SMPD3: variants seen among roughly 807,000 people sequenced by gnomAD.
SMPD3 encodes the protein nSMase-2.
A neutral mutation model predicts 55.7 loss-of-function variants in SMPD3; 21 were observed. The observed-to-expected ratio is 0.38, with a 90% CI of 0.27 to 0.54. The LOEUF is 0.54. Ranked by LOEUF, SMPD3 falls within the 20% of genes least tolerant of loss-of-function variation. The pLI is 0.80. For synonymous variants in SMPD3, 457 were observed against 404.3 expected, an observed-to-expected ratio of 1.13 and a Z score of -1.56; for missense variants, 842 against 899.6, an observed-to-expected ratio of 0.94 and a Z score of 0.82.
intron 1 of SMPD3, among the ~76,000 whole-genome samples, chr16:68,421,273 C>G (rs769418678): frequency 1.3e-5 from 2 of 152,236 alleles, no homozygotes; most frequent in Non-Finnish European, 2.9e-5. Context: ...CAGCTCTGCC[C>G]TCGCACATCT....
intron 1 of SMPD3, among the ~76,000 whole-genome samples, chr16:68,394,499 G>T (rs544534419): frequency 1.3e-5 from 2 of 152,114 alleles, no homozygotes; most frequent in Non-Finnish European, 2.9e-5. Context: ...TTATTATCCA[G>T]TTCCTCTTAT....
intron 1 of SMPD3, among the ~76,000 whole-genome samples, chr16:68,446,310 G>A (rs2090609050): frequency 6.6e-6 from 1 of 152,090 alleles, no homozygotes; most frequent in Non-Finnish European, 1.5e-5. Context: ...CCACTTACTG[G>A]GCCTTTCGCA....
At chr16:68,389,079 C>T (rs796929045) in intron 1 of SMPD3, among the ~76,000 whole-genome samples, 8 of 152,368 alleles carry the variant, frequency 5.3e-5, no homozygotes, top group Middle Eastern at 6.8e-3. Context: ...ACAGAAGAAC[C>T]TTTCATCCCG....
intron 2 of SMPD3, among the ~76,000 whole-genome samples, chr16:68,372,620 C>G (rs2089701534): frequency 6.6e-6 from 1 of 152,188 alleles, no homozygotes; most frequent in African/African-American, 2.4e-5. Context: ...ATATGACTGC[C>G]CCTAACTAAC....
Position 68,388,219 on chromosome 16 carries a change from C to T in SMPD3, c.-268-1560G>A, listed in dbSNP as rs538923152. ...CCAGGAGCCCTTATGTTCATGTGGACACCCTGGCTTTTGCCCTCAGAGCCA... is the reference window on the plus strand; with the variant it reads ...CCAGGAGCCCTTATGTTCATGTGGATACCCTGGCTTTTGCCCTCAGAGCCA... On this transcript the variant is annotated intron_variant, in intron 1 of 8. Transcript: ENST00000219334. Among the ~76,000 whole-genome samples the T allele has an allele frequency of 5.3e-5, 8 of 152,324 alleles. No homozygotes were observed. The South Asian group carries it at 8.3e-4, about 16-fold the overall frequency.
rs140512715 is a variant in SMPD3, at chr16:68,371,276, C to T, written c.906G>A (p.Leu302=). 1.0e-4 allele frequency: 160 copies of T among 1,605,508 alleles called. No homozygotes were observed. The highest frequency in any genetic ancestry group is 1.3e-4 in the Non-Finnish European group (149 of 1,178,878). The stretch of plus-strand genomic sequence containing the variant: ...TGTCTGGCCCAGCTCGCCCCTTCAC[C>T]AGGGACTCCCGGGAGGCCGAGGGGC... ...LGSPSASRES[L]VKGRAGPDTS... The change falls in exon 3 of 9, where the codon CTG becomes CTA. Residue 302 remains leucine, a synonymous_variant. Transcript: ENST00000219334.
In SMPD3 at chr16:68,433,832, A is replaced by G. The variant is rs981051637; in HGVS notation, c.-269+14521T>C. On this transcript the variant is annotated intron_variant, in intron 1 of 8. Coordinates refer to ENST00000219334, the MANE Select transcript of SMPD3 (RefSeq NM_018667.4). Reference sequence around the variant, plus strand: ...TCAAATCTTGGAAATTCTAAACCCTATCTATGAGAATGAGTCTTACTCTTT... The same window carrying G: ...TCAAATCTTGGAAATTCTAAACCCTGTCTATGAGAATGAGTCTTACTCTTT... Among the ~76,000 whole-genome samples the G allele has an allele frequency of 4.6e-5, 7 of 151,074 alleles. No individual in the cohort carries two copies. In the South Asian group the frequency reaches 6.3e-4, roughly 14 times the overall value.
intron 1 of SMPD3, among the ~76,000 whole-genome samples, chr16:68,395,978 G>A (rs2090153267): frequency 6.6e-6 from 1 of 152,212 alleles, no homozygotes; most frequent in African/African-American, 2.4e-5. Flanking sequence ...AACTCAGTGT[G>A]CCTGGCCTGG....
intron 2 of SMPD3, among the ~76,000 whole-genome samples, chr16:68,372,819 A>T (rs1159056160): frequency 6.6e-6 from 1 of 152,214 alleles, no homozygotes; most frequent in Non-Finnish European, 1.5e-5. Flanking sequence ...ACCCTGGGTC[A>T]GAGGAGCCAC....
At chr16:68,390,677 A>G (rs1232737686) in intron 1 of SMPD3, among the ~76,000 whole-genome samples, 1 of 152,180 alleles carries the variant, frequency 6.6e-6, no homozygotes, top group Non-Finnish European at 1.5e-5. Context: ...ACAAACAAAG[A>G]ATAAGAATTC....
At chr16:68,374,491 G>A (rs1270798432) in intron 2 of SMPD3, among the ~76,000 whole-genome samples, 2 of 152,218 alleles carry the variant, frequency 1.3e-5, no homozygotes, top group South Asian at 4.1e-4. Flanking sequence ...GCAGCTCTGT[G>A]CTGGGCCTCA....
intron 2 of SMPD3, among the ~76,000 whole-genome samples, chr16:68,385,200 T>A (rs1477912324): frequency 6.6e-6 from 1 of 152,204 alleles, no homozygotes; most frequent in Non-Finnish European, 1.5e-5. Context: ...GAGAAGTAAA[T>A]GGCAGTCCCT....
rs527500418 is a variant in SMPD3 at position 68,371,044 on chromosome 16, C to T, written c.1138G>A (p.Gly380Ser). 1.1e-5 allele frequency: 18 copies of T among 1,614,200 alleles called. No homozygotes were observed. Among genetic ancestry groups the T allele is most frequent in the Admixed American group, 8.3e-5 (5 of 60,030 alleles). Residue 380 changes from glycine (G) to serine (S), a missense_variant, in exon 3 of 9, where the codon GGC becomes AGC. By Grantham distance (56) the Gly-to-Ser change is moderately conservative. Coordinates refer to ENST00000219334, the MANE Select transcript of SMPD3 (RefSeq NM_018667.4). ...TCGTACAGGATGTACTCGAAGTAGC[C>T]GTGCAGCTGCTCTTTCAATTTGGTG... is the stretch of plus-strand genomic sequence containing the variant. Reference protein sequence around the residue: ...AATKLKEQLHGYFEYILYDVG... With the variant: ...AATKLKEQLHSYFEYILYDVG...
At chr16:68,394,841 A>C (rs766282953) in intron 1 of SMPD3, among the ~76,000 whole-genome samples, 13 of 152,366 alleles carry the variant, frequency 8.5e-5, no homozygotes, top group Non-Finnish European at 1.0e-4. Flanking sequence ...GCAGAGCTGG[A>C]GATACAGAGA....
In SMPD3 at chr16:68,385,077, G is replaced by A. The variant is rs1161093957; in HGVS notation, c.-207+1521C>T. Among the ~76,000 whole-genome samples, 4 of 152,184 alleles carry A rather than the reference G, an allele frequency of 2.6e-5. No homozygotes were observed. In the South Asian group the frequency reaches 6.2e-4, roughly 24 times the overall value. On this transcript the variant is annotated intron_variant, in intron 2 of 8. Coordinates refer to ENST00000219334, the MANE Select transcript of SMPD3 (RefSeq NM_018667.4). ...GCCTCTTGGGGATATCAGAGAAGGC[G>A]TCACCCAGCACCTCAGAGAATATGC...
chr16:68,437,849 C>T (rs907407850), intron 1 of SMPD3, among the ~76,000 whole-genome samples: 9 of 152,162 alleles, frequency 5.9e-5, no homozygotes, highest in African/African-American at 2.2e-4. Context: ...AGACATTTTC[C>T]TTCTAACCAG....
At chr16:68,425,863 C>T (rs1448873275) in intron 1 of SMPD3, among the ~76,000 whole-genome samples, 1 of 152,108 alleles carries the variant, frequency 6.6e-6, no homozygotes, top group Non-Finnish European at 1.5e-5. Context: ...GGTTTGTCAG[C>T]CCTCCTCCCT....
intron 1 of SMPD3, among the ~76,000 whole-genome samples, chr16:68,391,381 C>T (rs1167382149): frequency 6.6e-6 from 1 of 152,178 alleles, no homozygotes; most frequent in Non-Finnish European, 1.5e-5. Flanking sequence ...GACATCCTTT[C>T]AGAAGTTTGG....
chr16:68,363,638 ACACGGG>A (rs2089384705), intron 6 of SMPD3, 79 bp from the exon 7 acceptor site: 1 of 1,471,750 alleles, frequency 6.8e-7, no homozygotes, highest in Non-Finnish European at 9.4e-7. Context: ...CTGTGGGTGG[ACACGGG>A]CTTCTGCTAG....
Sources: allele counts gnomAD v4.1 joint callset (sites outside exome capture counted in the v4.1 genomes callset), GRCh38; gene constraint gnomAD v4.1.1; transcripts MANE v1.5; gene names NCBI Gene and HGNC (gene_info 2026-07-23, HGNC 2026-07-21).